The following BABAM2 variants were observed in gnomAD, a reference collection of about 807,000 sequenced individuals.
BABAM2 encodes the protein BRISC and BRCA1-A complex member 2.
BABAM2 carries 31 observed loss-of-function variants against 54.7 expected under a neutral mutation model. The ratio of observed to expected loss-of-function variants is 0.57; its 90% CI spans 0.43 to 0.77. The LOEUF is 0.77. BABAM2 is among the 30% of genes least tolerant of loss of function. BABAM2 has a pLI of 0.00. For missense variants in BABAM2, 364 were observed against 455.8 expected, an observed-to-expected ratio of 0.80 and a Z score of 1.83; for synonymous variants, 167 against 162.9, an observed-to-expected ratio of 1.03 and a Z score of -0.19.
At chr2:27,915,651 A>G (rs550120889) in intron 2 of BABAM2, among the ~76,000 whole-genome samples, 26 of 145,182 alleles carry the variant, frequency 1.8e-4, no homozygotes, top group Middle Eastern at 3.5e-3. Context: ...AATCATTTAA[A>G]TATAAGAATT....
chr2:28,270,008 T>C lies in BABAM2; in HGVS notation c.934+25146T>C, dbSNP rs1414554451. 2.6e-5 allele frequency among the ~76,000 whole-genome samples: 4 copies of C among 152,336 alleles called. No individual in the cohort carries two copies. In the South Asian group the frequency reaches 6.2e-4, roughly 24 times the overall value. On this transcript the variant is annotated intron_variant, in intron 10 of 11. Transcript: ENST00000379624. ...CCTGTGTTCTATTTCCTTTACTCTA[T>C]GCTGAGAAACAGGGTTAAGCCTATT... is the stretch of plus-strand genomic sequence containing the variant.
Position 28,338,658 on chromosome 2 carries a change from C to T in BABAM2, c.*145C>T, listed in dbSNP as rs1691682994. On this transcript the variant is annotated 3_prime_UTR_variant, in exon 12 of 12. Coordinates refer to ENST00000379624, the MANE Select transcript of BABAM2 (RefSeq NM_199191.3). ...AGCTTTTGCACGCCCCAGGCAGCCC[C>T]GACTGCTGAAATCCAACTTGAGCTG... 12 of 905,678 alleles carry T rather than the reference C, an allele frequency of 1.3e-5. No homozygotes were observed. The highest frequency in any genetic ancestry group is 8.8e-5 in the Admixed American group (4 of 45,624). The allele number at this position is 905,678 out of a possible 1,614,324, so 56.1% of individuals were successfully genotyped here.
chr2:28,304,286 C>CT lies in BABAM2; in HGVS notation c.1088+5797dup, dbSNP rs1260362629. On this transcript the variant is annotated intron_variant, in intron 11 of 11. Transcript: ENST00000379624. This position sits in a 1 kb window ranked among gnomAD's most constrained non-coding sequence, Gnocchi z 4.0. ...GGCCAGTCTGGTTTCAAACTCCTGACTTCAGGTGATCCACCCGCCTCGGCC... is the reference window on the plus strand; with the variant it reads ...GGCCAGTCTGGTTTCAAACTCCTGACTTTCAGGTGATCCACCCGCCTCGGCC... 6.6e-6 allele frequency among the ~76,000 whole-genome samples: 1 copy of CT among 151,898 alleles called. No homozygotes were observed. Among genetic ancestry groups the CT allele is most frequent in the Non-Finnish European group, 1.5e-5 (1 of 67,920 alleles).
intron 7 of BABAM2, among the ~76,000 whole-genome samples, chr2:28,148,151 C>T: frequency 6.6e-6 from 1 of 152,162 alleles, no homozygotes; most frequent in East Asian, 1.9e-4. Context: ...ATCAAGATCT[C>T]ATCTCTTGGA....
At chr2:27,929,970 T>C (rs1422413485) in intron 3 of BABAM2, 62 bp downstream of exon 3, 8 of 1,472,524 alleles carry the variant, frequency 5.4e-6, no homozygotes, top group Non-Finnish European at 7.6e-6. Context: ...TTGGACTTTG[T>C]GCTTTAGTTT....
At position 27,980,563 on chromosome 2, in the gene BABAM2, T is replaced by C. The variant is rs992009981; in HGVS notation, c.206-7430T>C. On this transcript the variant is annotated intron_variant, in intron 3 of 11. Coordinates refer to ENST00000379624, the MANE Select transcript of BABAM2 (RefSeq NM_199191.3). The stretch of plus-strand genomic sequence containing the variant: ...GGCTGTACAGTATTGAGGCAAAGTG[T>C]TTCACAGTTCTCTGAGGTTGAAGGT... 2.0e-5 allele frequency among the ~76,000 whole-genome samples: 3 copies of C among 152,342 alleles called. No individual in the cohort carries two copies. In the Middle Eastern group the frequency reaches 0.01, roughly 518 times the overall value.
At chr2:28,299,440 C>T (rs1049334549) in intron 11 of BABAM2, among the ~76,000 whole-genome samples, 4 of 152,266 alleles carry the variant, frequency 2.6e-5, no homozygotes, top group East Asian at 3.9e-4. Flanking sequence ...AAAAATAAAT[C>T]GAAGAGTGCA....
At chr2:28,297,367 C>T (rs920332330) in intron 10 of BABAM2, among the ~76,000 whole-genome samples, 1 of 152,166 alleles carries the variant, frequency 6.6e-6, no homozygotes, top group African/African-American at 2.4e-5. Flanking sequence ...AAATTCTATA[C>T]TTGTTTTTCT....
chr2:27,939,487 G>A (rs1211917821), intron 3 of BABAM2, among the ~76,000 whole-genome samples: 3 of 152,114 alleles, frequency 2.0e-5, no homozygotes, highest in African/African-American at 7.2e-5. Flanking sequence ...TCAGATTTTC[G>A]TTGGTTGAAG....
chr2:28,232,736 C>G (rs1283940064), intron 7 of BABAM2, among the ~76,000 whole-genome samples: 2 of 152,198 alleles, frequency 1.3e-5, no homozygotes, highest in African/African-American at 4.8e-5. Flanking sequence ...TATGGGACCA[C>G]TGTCATATAT....
chr2:28,212,648 T>G (rs1679572913), intron 7 of BABAM2, among the ~76,000 whole-genome samples: 1 of 152,184 alleles, frequency 6.6e-6, no homozygotes, highest in Non-Finnish European at 1.5e-5. Context: ...ATTCTTTTTA[T>G]CCTTGAAACT....
Position 28,072,575 on chromosome 2 carries a change from C to T in BABAM2, c.570+26776C>T, listed in dbSNP as rs562844066. ...TAATTTTTTGTATTTTTAGTAGAGA[C>T]GGGGTTTCACTGTGTTAGCCAGGAT... On this transcript the variant is annotated intron_variant, in intron 6 of 11. Coordinates refer to ENST00000379624, the MANE Select transcript of BABAM2 (RefSeq NM_199191.3). Among the ~76,000 whole-genome samples, 18 of 152,124 alleles carry T rather than the reference C, an allele frequency of 1.2e-4. 1 individual carries two copies. The highest frequency in any genetic ancestry group is 3.6e-4 in the African/African-American group (15 of 41,508).
chr2:28,251,559 G>A (rs1683487821), intron 10 of BABAM2, among the ~76,000 whole-genome samples: 1 of 152,150 alleles, frequency 6.6e-6, no homozygotes, highest in Admixed American at 6.5e-5. Flanking sequence ...GCTAAGCGAG[G>A]TAGACTTTCA....
At position 28,036,165 on chromosome 2, in the gene BABAM2, A is replaced by G. The variant is rs541079668; in HGVS notation, c.496-9560A>G. ...GCACTCCTTGCACAGTGTTATCGCC[A>G]TGAAGGAAATGGACAAGTGTTGTCC... is the stretch of plus-strand genomic sequence containing the variant. On this transcript the variant is annotated intron_variant, in intron 5 of 11. Transcript: ENST00000379624. 2.0e-4 allele frequency among the ~76,000 whole-genome samples: 30 copies of G among 152,276 alleles called. No homozygotes were observed. In the East Asian group the frequency reaches 5.6e-3, roughly 28 times the overall value.
At chr2:28,305,962 TC>T (rs761571677) in intron 11 of BABAM2, among the ~76,000 whole-genome samples, 4 of 152,208 alleles carry the variant, frequency 2.6e-5, no homozygotes, top group Non-Finnish European at 5.9e-5. Flanking sequence ...TTTTCTGATT[TC>T]CCTTGTGATT....
intron 3 of BABAM2, among the ~76,000 whole-genome samples, chr2:27,966,158 G>A (rs548627041): frequency 2.0e-5 from 3 of 152,228 alleles, no homozygotes; most frequent in East Asian, 1.9e-4. Context: ...ACCTTCAGTC[G>A]TCTTTGCTTA....
chr2:28,198,871 A>G (rs1417286850), intron 7 of BABAM2, among the ~76,000 whole-genome samples: 16 of 152,204 alleles, frequency 1.1e-4, no homozygotes, highest in Non-Finnish European at 4.4e-5. Flanking sequence ...ACCTGTATTT[A>G]GAATCTGTTC....
At chr2:28,153,712 A>T (rs1043929102) in intron 7 of BABAM2, among the ~76,000 whole-genome samples, 1 of 152,198 alleles carries the variant, frequency 6.6e-6, no homozygotes, top group African/African-American at 2.4e-5. Flanking sequence ...CCCATGCCAG[A>T]CCTACCAAAT....
chr2:28,196,962 G>T (rs1215455256), intron 7 of BABAM2, among the ~76,000 whole-genome samples: 1 of 140,420 alleles, frequency 7.1e-6, no homozygotes, highest in Non-Finnish European at 1.5e-5. Flanking sequence ...CTCCCACCTT[G>T]GCCTCCCGAA....
Sources: allele counts gnomAD v4.1 joint callset (sites outside exome capture counted in the v4.1 genomes callset), GRCh38; gene constraint gnomAD v4.1.1; non-coding constraint Gnocchi (gnomAD v3.1); transcripts MANE v1.5; gene names NCBI Gene and HGNC (gene_info 2026-07-23, HGNC 2026-07-21).